The following REV1 variants were observed in gnomAD, a reference collection of about 807,000 sequenced individuals.
The protein encoded by REV1 is REV1 DNA directed polymerase.
REV1 carries 42 observed loss-of-function variants against 137.4 expected under a neutral mutation model. That is an observed-to-expected ratio of 0.31 (90% CI 0.24 to 0.40). REV1 has a LOEUF of 0.40. Among genes scored for constraint, REV1 ranks in the 10% least tolerant of loss-of-function variants. The pLI is 1.00. For missense variants in REV1, 1,282 were observed against 1,490.1 expected, an observed-to-expected ratio of 0.86 and a Z score of 2.30; for synonymous variants, 524 against 519.2, an observed-to-expected ratio of 1.01 and a Z score of -0.12.
At chr2:99,407,077 G>GTTTTTTTTTTTTTTTTTTTTT in intron 15 of REV1, 1 of 46,778 alleles carries the variant, frequency 2.1e-5, no homozygotes, top group Non-Finnish European at 4.2e-5. Flanking sequence ...ACCTACAAAG[G>GTTTTTTTTTTTTTTTTTTTTT]TTCTTTTTTT....
rs1680681896 is a variant in REV1 at position 99,435,860 on chromosome 2, C to CGTA, written c.1294_1295insTAC (p.Gly432delinsValArg). ...TTTGAGATCTGGTCTATTTCGTATA[C>CGTA]CCACTGATACAAAGAAGCAATCCAT... is the stretch of plus-strand genomic sequence containing the variant. On this transcript the variant is annotated protein_altering_variant, in exon 7 of 23. Coordinates refer to ENST00000258428, the MANE Select transcript of REV1 (RefSeq NM_016316.4). 1 of 1,599,650 alleles carries CGTA rather than the reference C, an allele frequency of 6.3e-7. No individual in the cohort carries two copies. The highest frequency in any genetic ancestry group is 1.3e-5 in the African/African-American group (1 of 74,522).
chr2:99,473,375 AAAAAGAAAAG>A (rs1266092384), intron 1 of REV1, among the ~76,000 whole-genome samples: 50 of 151,504 alleles, frequency 3.3e-4, no homozygotes, highest in Non-Finnish European at 4.1e-4. Flanking sequence ...CAAAAAAAAA[AAAAAGAAAAG>A]AAAAGAAAAG....
intron 6 of REV1, 83 bp downstream of exon 6, chr2:99,438,518 G>A: frequency 2.0e-6 from 2 of 1,000,598 alleles, no homozygotes; most frequent in Non-Finnish European, 3.0e-6. Context: ...ACTTCATATT[G>A]ACCAGAAATA....
intron 12 of REV1, among the ~76,000 whole-genome samples, chr2:99,415,050 G>T (rs1219875564): frequency 1.3e-5 from 2 of 152,186 alleles, no homozygotes; most frequent in Non-Finnish European, 2.9e-5. Flanking sequence ...CTGATGGAAT[G>T]AAATGGCCTG....
chr2:99,441,864 A>G (rs1373845166), intron 5 of REV1, among the ~76,000 whole-genome samples: 1 of 152,222 alleles, frequency 6.6e-6, no homozygotes, highest in East Asian at 1.9e-4. Context: ...ACACTCATAC[A>G]CACATATTTC....
At chr2:99,451,607 T>G (rs4851206) in intron 3 of REV1, 17 of 628,186 alleles carry the variant, frequency 2.7e-5, no homozygotes, top group Non-Finnish European at 4.2e-5. Context: ...TTGTTTAACT[T>G]CTTTAGGCTT....
chr2:99,409,853 A>AACCC (rs1676862859), intron 14 of REV1, among the ~76,000 whole-genome samples: 6 of 78,476 alleles, frequency 7.6e-5, no homozygotes, highest in Non-Finnish European at 1.3e-4. Flanking sequence ...AAAACAAACA[A>AACCC]CCCCCCCCCC....
At chr2:99,431,736 C>T in intron 8 of REV1, 8 of 985,454 alleles carry the variant, frequency 8.1e-6, no homozygotes, top group Non-Finnish European at 9.6e-6. Flanking sequence ...ATTGGGCTGG[C>T]TGACCTGTTC....
intron 3 of REV1, chr2:99,451,252 AT>A: frequency 3.4e-5 from 24 of 709,696 alleles, no homozygotes; most frequent in Non-Finnish European, 4.4e-5. Flanking sequence ...ATTCTATTTA[AT>A]GACTTAAATA....
In REV1 at chr2:99,410,780, T is replaced by A. The variant is rs754665728; in HGVS notation, c.2260A>T (p.Thr754Ser). The change falls in exon 14 of 23, where the codon ACT (threonine) becomes TCT (serine). Residue 754 changes from threonine (T) to serine (S), a missense_variant. Thr to Ser is a moderately conservative substitution (Grantham distance 58). Transcript: ENST00000258428. Reference protein sequence around the residue: ...EATGMKGKRLTLKIMVRKPGA... With the variant: ...EATGMKGKRLSLKIMVRKPGA... Reference sequence around the variant, plus strand: ...GGCTTTCGTACCATGATTTTGAGAGTTAGACGTTTACCCTTCATGCCAGTG... The same window carrying A: ...GGCTTTCGTACCATGATTTTGAGAGATAGACGTTTACCCTTCATGCCAGTG... 3.7e-6 allele frequency: 6 copies of A among 1,612,690 alleles called. No homozygotes were observed. The highest frequency in any genetic ancestry group is 5.1e-6 in the Non-Finnish European group (6 of 1,179,654).
chr2:99,429,733 C>T (rs928769695), intron 9 of REV1, 107 bp downstream of exon 9: 29 of 577,980 alleles, frequency 5.0e-5, no homozygotes, highest in Non-Finnish European at 7.6e-5. Context: ...CCTCATAACA[C>T]GTCTGTAACA....
intron 19 of REV1, 174 bp from the exon 20 acceptor site, chr2:99,403,280 A>G: frequency 1.6e-5 from 10 of 613,118 alleles, no homozygotes; most frequent in South Asian, 8.4e-5. Flanking sequence ...AGGCTCTCCA[A>G]TTCTCTCTTT....
At chr2:99,476,909 T>C (rs906259645) in intron 1 of REV1, among the ~76,000 whole-genome samples, 1 of 152,222 alleles carries the variant, frequency 6.6e-6, no homozygotes, top group African/African-American at 2.4e-5. Context: ...GTGTGCCCCA[T>C]GCACCTCTTC....
chr2:99,478,337 C>T (rs1011633), intron 1 of REV1, among the ~76,000 whole-genome samples: 65,476 of 152,084 alleles, frequency 0.43, 14,343 homozygotes, highest in Admixed American at 0.58. Flanking sequence ...TCCTGCTTTC[C>T]TGTGTTCCAA....
intron 2 of REV1, 74 bp downstream of exon 2, chr2:99,464,848 A>T: frequency 7.1e-7 from 1 of 1,413,028 alleles, no homozygotes; most frequent in Non-Finnish European, 1.0e-6. Flanking sequence ...AAACAACTTA[A>T]ACCACATTAT....
intron 3 of REV1, among the ~76,000 whole-genome samples, chr2:99,452,481 G>C (rs1013168288): frequency 2.0e-5 from 3 of 150,954 alleles, no homozygotes; most frequent in Non-Finnish European, 4.4e-5. Context: ...CATCATGAAA[G>C]CTATATGACA....
chr2:99,482,877 C>T (rs796926771), intron 1 of REV1, among the ~76,000 whole-genome samples: 3 of 152,030 alleles, frequency 2.0e-5, no homozygotes, highest in African/African-American at 7.2e-5. Flanking sequence ...CCCAGCTGGG[C>T]GTGGTGGCAG....
chr2:99,489,691 C>G (rs1317590160), intron 1 of REV1, 126 bp downstream of exon 1: 1 of 149,654 alleles, frequency 6.7e-6, no homozygotes, highest in Non-Finnish European at 1.5e-5. Context: ...GCGACGCACC[C>G]CTCCCCCGCG....
chr2:99,446,757 T>C (rs1382135971), intron 4 of REV1, among the ~76,000 whole-genome samples: 1 of 152,130 alleles, frequency 6.6e-6, no homozygotes, highest in Admixed American at 6.5e-5. Flanking sequence ...CCTCCCAAAG[T>C]GGGGGGATTA....
Sources: gnomAD v4.1 joint callset for allele counts (sites outside exome capture counted in the v4.1 genomes callset) on GRCh38, gnomAD v4.1.1 for gene constraint, MANE v1.5 for transcripts, NCBI Gene and HGNC (gene_info 2026-07-23, HGNC 2026-07-21) for gene names.